The following DNAH12 variants were observed in gnomAD, a reference collection of about 807,000 sequenced individuals.
The protein encoded by DNAH12 is axonemal beta dynein heavy chain 12.
DNAH12 carries 285 observed loss-of-function variants against 371.5 expected under a neutral mutation model. That is an observed-to-expected ratio of 0.77 (90% CI 0.70 to 0.85). DNAH12 has a LOEUF of 0.85. Ranked by LOEUF, DNAH12 falls within the 40% of genes least tolerant of loss-of-function variation. The pLI is 0.00. For missense variants in DNAH12, 3,611 were observed against 3,689.4 expected (o/e 0.98, Z 0.55); for synonymous variants, 1,200 against 1,213.0 (o/e 0.99, Z 0.22).
chr3:57,489,603 C>T lies in DNAH12; in HGVS notation c.1420G>A (p.Glu474Lys), dbSNP rs560323309. The T allele has an allele frequency of 6.5e-7, 1 of 1,542,766 alleles. No homozygotes were observed. Among genetic ancestry groups the T allele is most frequent in the Admixed American group, 2.0e-5 (1 of 48,900 alleles). ...TTTGTCAGGCCTGTCTTCAAATCTT[C>T]ACAATCCAAACGCACCATAGTGTAA... The part of the protein sequence containing the change: ...IHYTMVRLDC[E>K]DLKTGLTNKA... The change falls in exon 12 of 74, where the codon GAA becomes AAA. Residue 474 changes from glutamate (E) to lysine (K), a missense_variant. By Grantham distance (56) the Glu-to-Lys change is moderately conservative. Transcript: ENST00000495027.
chr3:57,367,344 A>G (rs2153333501), intron 56 of DNAH12, among the ~76,000 whole-genome samples: 1 of 151,570 alleles, frequency 6.6e-6, no homozygotes, highest in South Asian at 2.1e-4. Flanking sequence ...ATAATAACAT[A>G]CAGAAAACAG....
intron 43 of DNAH12, among the ~76,000 whole-genome samples, chr3:57,395,620 T>C (rs1271425155): frequency 3.3e-5 from 5 of 152,040 alleles, no homozygotes; most frequent in African/African-American, 4.8e-5. Flanking sequence ...TATCAAATCA[T>C]GTCAGGTTTA....
At chr3:57,294,113 A>G (rs2061178999) in intron 73 of DNAH12, 142 bp from the exon 74 acceptor site, 3 of 639,860 alleles carry the variant, frequency 4.7e-6, no homozygotes. Context: ...TACAGCATAT[A>G]TATTTTTTTA....
chr3:57,300,382 AAGGGT>A (rs2061321210), intron 70 of DNAH12, among the ~76,000 whole-genome samples: 1 of 152,208 alleles, frequency 6.6e-6, no homozygotes, highest in East Asian at 1.9e-4. Flanking sequence ...TAGCTTCTAT[AAGGGT>A]AAGAGAACAA....
At chr3:57,302,534 T>TC (rs2061371263) in intron 69 of DNAH12, among the ~76,000 whole-genome samples, 5 of 34,878 alleles carry the variant, frequency 1.4e-4, no homozygotes, top group African/African-American at 3.5e-4. Context: ...CAGGTGTATA[T>TC]ATATATATAT....
chr3:57,320,964 C>T (rs1337807570), intron 65 of DNAH12, among the ~76,000 whole-genome samples: 2 of 152,214 alleles, frequency 1.3e-5, no homozygotes, highest in East Asian at 3.8e-4. Flanking sequence ...ATACTAACTT[C>T]AGATATCCCA....
At chr3:57,297,102 C>T in intron 70 of DNAH12, 118 bp from the exon 71 acceptor site, 7 of 1,175,976 alleles carry the variant, frequency 6.0e-6, no homozygotes, top group African/African-American at 1.5e-5. Context: ...ATCACGAGGC[C>T]CTCTTCCCTG....
chr3:57,446,421 TCCAAGTAATATTCAAA>T, intron 26 of DNAH12, 100 bp downstream of exon 26: 2 of 1,428,554 alleles, frequency 1.4e-6, no homozygotes, highest in Non-Finnish European at 1.9e-6. Context: ...AAAATGAAAG[TCCAAGTAATATTCAAA>T]CCACATTCAT....
At chr3:57,365,439 C>T (rs1312885224) in intron 57 of DNAH12, among the ~76,000 whole-genome samples, 2 of 152,070 alleles carry the variant, frequency 1.3e-5, no homozygotes, top group African/African-American at 4.8e-5. Flanking sequence ...TAGGGAACAA[C>T]ACACACTGGG....
chr3:57,325,131 C>T (rs1378769821), intron 62 of DNAH12, among the ~76,000 whole-genome samples: 1 of 152,254 alleles, frequency 6.6e-6, no homozygotes, highest in Non-Finnish European at 1.5e-5. Context: ...TAGGCTCCAC[C>T]TCTGGGGGCA....
At chr3:57,447,429 T>C (rs2065543320) in intron 25 of DNAH12, among the ~76,000 whole-genome samples, 1 of 152,182 alleles carries the variant, frequency 6.6e-6, no homozygotes. Context: ...GTTTCAAATT[T>C]AACTTCTTTT....
At chr3:57,533,888 C>T (rs2068936352) in intron 2 of DNAH12, among the ~76,000 whole-genome samples, 1 of 152,172 alleles carries the variant, frequency 6.6e-6, no homozygotes, top group Non-Finnish European at 1.5e-5. Context: ...GTCATGTGCC[C>T]CTGCAGTCCA....
intron 69 of DNAH12, among the ~76,000 whole-genome samples, chr3:57,302,553 A>ATGTG (rs1559535314): frequency 3.6e-4 from 31 of 86,392 alleles, no homozygotes; most frequent in South Asian, 9.9e-4. Flanking sequence ...ATATATATAT[A>ATGTG]TATATATATA....
chr3:57,334,523 T>C lies in DNAH12; in HGVS notation c.9920A>G (p.Asp3307Gly), dbSNP rs1309974278. The C allele has an allele frequency of 2.6e-6, 4 of 1,551,032 alleles. No individual in the cohort carries two copies. The highest frequency in any genetic ancestry group is 3.5e-6 in the Non-Finnish European group (4 of 1,146,888). The part of the protein sequence containing the change: ...PHNAKFPAPM[D>G]KNLNELQKII... ...TTTCTGTAGTTCATTTAGGTTCTTA[T>C]CCATTGGTGCTGGAAATTTAGCATT... The change falls in exon 62 of 74, where the codon GAT becomes GGT. Residue 3307 changes from aspartate (D) to glycine (G), a missense_variant. By Grantham distance (94) the Asp-to-Gly change is moderately conservative (BLOSUM62 -1). Coordinates refer to ENST00000495027, the MANE Select transcript of DNAH12 (RefSeq NM_001366028.2).
chr3:57,492,885 G>A (rs2067179115), intron 11 of DNAH12, among the ~76,000 whole-genome samples: 3 of 151,866 alleles, frequency 2.0e-5, no homozygotes, highest in Admixed American at 2.0e-4. Flanking sequence ...GGCACCTGTA[G>A]TCTCAGCTAC....
intron 18 of DNAH12, 50 bp from the exon 19 acceptor site, chr3:57,461,739 T>C: frequency 7.0e-7 from 1 of 1,432,884 alleles, no homozygotes; most frequent in Non-Finnish European, 9.5e-7. Flanking sequence ...AAGGATCTTA[T>C]TTACTATATT....
chr3:57,383,224 A>G (rs984765803), intron 49 of DNAH12, among the ~76,000 whole-genome samples: 1 of 152,198 alleles, frequency 6.6e-6, no homozygotes, highest in Non-Finnish European at 1.5e-5. Flanking sequence ...TAATCCATTT[A>G]TAAAATTCCC....
chr3:57,482,850 C>T (rs2066793138), intron 13 of DNAH12, among the ~76,000 whole-genome samples: 1 of 143,896 alleles, frequency 6.9e-6, no homozygotes, highest in Admixed American at 7.5e-5. Flanking sequence ...CATGTTCTCA[C>T]TCATAGGTGG....
intron 2 of DNAH12, chr3:57,530,733 T>A (rs115251800): frequency 3.5e-6 from 1 of 287,812 alleles, no homozygotes; most frequent in Admixed American, 4.7e-5. Flanking sequence ...GTAGACAACA[T>A]TGATGATCCT....
Sources: gnomAD v4.1 joint callset for allele counts (sites outside exome capture counted in the v4.1 genomes callset) on GRCh38, gnomAD v4.1.1 for gene constraint, MANE v1.5 for transcripts, NCBI Gene and HGNC (gene_info 2026-07-23, HGNC 2026-07-21) for gene names.